Variants in CTDSPL observed in about 807,000 individuals in gnomAD.
CTDSPL encodes CTD small phosphatase like.
A neutral mutation model predicts 30.5 loss-of-function variants in CTDSPL; 8 were observed. That is an observed-to-expected ratio of 0.26 (90% CI 0.15 to 0.47). The LOEUF (loss-of-function observed/expected upper bound fraction) is 0.47. Among genes scored for constraint, CTDSPL ranks in the 20% least tolerant of loss-of-function variants. CTDSPL has a pLI of 0.99. For synonymous variants in CTDSPL, 110 were observed against 137.9 expected (o/e 0.80, Z 1.42); for missense variants, 248 against 366.1 (o/e 0.68, Z 2.63).
At chr3:37,960,499 AAAAAAAATATAT>A (rs1321009031) in intron 3 of CTDSPL, among the ~76,000 whole-genome samples, 3 of 64,854 alleles carry the variant, frequency 4.6e-5, no homozygotes, top group South Asian at 5.9e-4. Context: ...AAAAAAAAAA[AAAAAAAATATAT>A]ATATATATAT....
intron 1 of CTDSPL, among the ~76,000 whole-genome samples, chr3:37,891,836 C>T (rs746205615): frequency 6.6e-6 from 1 of 152,062 alleles, no homozygotes; most frequent in Non-Finnish European, 1.5e-5. Context: ...GGATGGTGTA[C>T]GTGTATATCT....
intron 1 of CTDSPL, among the ~76,000 whole-genome samples, chr3:37,904,516 G>A (rs1698490116): frequency 6.6e-6 from 1 of 152,238 alleles, no homozygotes; most frequent in East Asian, 1.9e-4. Flanking sequence ...CACCTGTCAA[G>A]GGCAAGAGGT....
intron 7 of CTDSPL, among the ~76,000 whole-genome samples, chr3:37,978,394 ATTTGCATATACATAATTGGATATCTT>A (rs1699453056): frequency 6.6e-6 from 1 of 152,206 alleles, no homozygotes; most frequent in Admixed American, 6.5e-5. Context: ...ATTTTGGAAT[ATTTGCATATACATAATTGGATATCTT>A]GGGGATGGAA....
chr3:37,867,557 G>A (rs928493102), intron 1 of CTDSPL, among the ~76,000 whole-genome samples: 7 of 152,146 alleles, frequency 4.6e-5, no homozygotes, highest in Admixed American at 2.0e-4. Flanking sequence ...AGTAAATGTA[G>A]CATTTTACAT....
rs190468837 is a variant in CTDSPL, at chr3:37,956,213, G to A, written c.235-898G>A. ...TAGTGTCAAAACAGAGCTCAGAAAG[G>A]TGCCAGGCAGCTGCCATTGCGAGCC... is the stretch of plus-strand genomic sequence containing the variant. On this transcript the variant is annotated intron_variant, in intron 2 of 7. Coordinates refer to ENST00000273179, the MANE Select transcript of CTDSPL (RefSeq NM_001008392.2). Among the ~76,000 whole-genome samples the A allele has an allele frequency of 3.9e-5, 6 of 152,308 alleles. No homozygotes were observed. In the East Asian group the frequency reaches 1.2e-3, roughly 29 times the overall value.
intron 1 of CTDSPL, among the ~76,000 whole-genome samples, chr3:37,944,989 A>G (rs986131998): frequency 3.3e-5 from 5 of 150,274 alleles, no homozygotes; most frequent in African/African-American, 1.2e-4. Flanking sequence ...TTAATTAGTT[A>G]GTTAGTTAGT....
rs1013333851 is a variant in CTDSPL, at chr3:37,957,260, G to A, written c.267+117G>A. The stretch of plus-strand genomic sequence containing the variant: ...TTGCTTATGGTGAGTTTATCATGTG[G>A]TATAAACAGCTCTGTTCTGTTAAAA... On this transcript the variant is annotated intron_variant, in intron 3 of 7. Coordinates refer to ENST00000273179, the MANE Select transcript of CTDSPL (RefSeq NM_001008392.2). The A allele has an allele frequency of 4.9e-5, 33 of 669,862 alleles. 1 individual carries two copies. Among genetic ancestry groups the A allele is most frequent in the South Asian group, 1.1e-4 (6 of 52,440 alleles). 41.5% of individuals were successfully genotyped at this position (669,862 alleles called of 1,614,324 possible).
At chr3:37,951,125 T>C (rs1177030008) in intron 2 of CTDSPL, among the ~76,000 whole-genome samples, 1 of 152,118 alleles carries the variant, frequency 6.6e-6, no homozygotes, top group Non-Finnish European at 1.5e-5. Flanking sequence ...CCCAGCACTT[T>C]GGGAGGCCGA....
intron 1 of CTDSPL, among the ~76,000 whole-genome samples, chr3:37,914,445 A>G (rs949986605): frequency 3.3e-5 from 5 of 152,226 alleles, no homozygotes; most frequent in Non-Finnish European, 7.3e-5. Context: ...GTATTTCACC[A>G]TCAAGTATTA....
At chr3:37,871,947 G>A (rs1033836248) in intron 1 of CTDSPL, among the ~76,000 whole-genome samples, 1 of 151,918 alleles carries the variant, frequency 6.6e-6, no homozygotes, top group African/African-American at 2.4e-5. Context: ...ATATTTTTTA[G>A]TTCTAAATTT....
At chr3:37,936,767 G>A (rs1698921064) in intron 1 of CTDSPL, among the ~76,000 whole-genome samples, 1 of 150,922 alleles carries the variant, frequency 6.6e-6, no homozygotes, top group Non-Finnish European at 1.5e-5. Context: ...CTTCCCACAT[G>A]TGAAGAAATA....
intron 5 of CTDSPL, among the ~76,000 whole-genome samples, chr3:37,968,866 T>G (rs546108041): frequency 5.3e-5 from 8 of 152,238 alleles, no homozygotes; most frequent in Non-Finnish European, 1.2e-4. Flanking sequence ...AATTCCAGTC[T>G]CCTGCCTCCT....
chr3:37,934,072 A>C (rs545900473), intron 1 of CTDSPL, among the ~76,000 whole-genome samples: 25 of 152,350 alleles, frequency 1.6e-4, no homozygotes, highest in African/African-American at 6.0e-4. Context: ...CTGTTATCCC[A>C]ATATTTTGGG....
At chr3:37,959,563 C>A (rs1045888961) in intron 3 of CTDSPL, among the ~76,000 whole-genome samples, 12 of 152,136 alleles carry the variant, frequency 7.9e-5, no homozygotes, top group African/African-American at 2.9e-4. Context: ...TAACAAGATG[C>A]CTTGAACATC....
rs540128964 is a variant in CTDSPL, at chr3:37,909,672, C to T, written c.80-37385C>T. On this transcript the variant is annotated intron_variant, in intron 1 of 7. Coordinates refer to ENST00000273179, the MANE Select transcript of CTDSPL (RefSeq NM_001008392.2). ...AGAAATAGTCCTGGATGGGTAACCT[C>T]GGTTTTCTAATCCTTTTGCTGGAAG... Among the ~76,000 whole-genome samples, 8 of 152,338 alleles carry T rather than the reference C, an allele frequency of 5.3e-5. No individual in the cohort carries two copies. In the South Asian group the frequency reaches 6.2e-4, roughly 12 times the overall value.
chr3:37,913,366 T>C (rs1698605451), intron 1 of CTDSPL, among the ~76,000 whole-genome samples: 1 of 152,146 alleles, frequency 6.6e-6, no homozygotes, highest in Non-Finnish European at 1.5e-5. Flanking sequence ...TTCTACCTGA[T>C]TTATCCACTC....
chr3:37,877,533 G>A (rs920795721), intron 1 of CTDSPL, among the ~76,000 whole-genome samples: 5 of 152,088 alleles, frequency 3.3e-5, no homozygotes, highest in African/African-American at 4.8e-5. Flanking sequence ...CCATGTTTTC[G>A]TGATTGTGAA....
intron 1 of CTDSPL, among the ~76,000 whole-genome samples, chr3:37,894,422 A>G (rs1397865711): frequency 2.0e-5 from 3 of 151,770 alleles, no homozygotes; most frequent in African/African-American, 7.3e-5. Context: ...TTTTTTTCCA[A>G]ATGCTGTTAT....
intron 1 of CTDSPL, among the ~76,000 whole-genome samples, chr3:37,917,023 T>C (rs1228861066): frequency 1.3e-5 from 2 of 152,186 alleles, no homozygotes; most frequent in Non-Finnish European, 2.9e-5. Flanking sequence ...CTTTCTAGTG[T>C]CGTAGGTATA....
Sources: gnomAD v4.1 joint callset for allele counts (sites outside exome capture counted in the v4.1 genomes callset) on GRCh38, gnomAD v4.1.1 for gene constraint, MANE v1.5 for transcripts, NCBI Gene and HGNC (gene_info 2026-07-23, HGNC 2026-07-21) for gene names.